Variants in DOCK8 observed in about 807,000 individuals in gnomAD.
DOCK8 encodes the protein dedicator of cytokinesis protein 8.
A neutral mutation model predicts 245.6 loss-of-function variants in DOCK8; 141 were observed. The observed-to-expected ratio is 0.57, with a 90% confidence interval of 0.50 to 0.66. The LOEUF (loss-of-function observed/expected upper bound fraction) is 0.66. Ranked by LOEUF, DOCK8 falls within the 30% of genes least tolerant of loss-of-function variation. The pLI, the probability that DOCK8 is intolerant of heterozygous loss-of-function variation, is 0.00. For synonymous variants in DOCK8, 1,168 were observed against 970.2 expected, an observed-to-expected ratio of 1.20 and a Z score of -3.79; for missense variants, 2,965 against 2,603.4, an observed-to-expected ratio of 1.14 and a Z score of -3.02.
At chr9:408,086 A>C (rs189408875) in intron 28 of DOCK8, among the ~76,000 whole-genome samples, 5 of 152,214 alleles carry the variant, frequency 3.3e-5, no homozygotes, top group African/African-American at 1.2e-4. Context: ...CATGACTCCT[A>C]TGCTAAAGAG....
chr9:357,098 C>T (rs73641526), intron 14 of DOCK8, among the ~76,000 whole-genome samples: 15,535 of 152,122 alleles, frequency 0.1, 1,720 homozygotes, highest in African/African-American at 0.28. Context: ...TTAAGGATGG[C>T]TCCTTTCACC....
chr9:240,189 G>A (rs968749188), intron 1 of DOCK8, among the ~76,000 whole-genome samples: 1 of 152,126 alleles, frequency 6.6e-6, no homozygotes, highest in Non-Finnish European at 1.5e-5. Context: ...AAGTCTTGGG[G>A]AAAGTTATTG....
At chr9:450,531 A>G (rs1232967051) in intron 45 of DOCK8, among the ~76,000 whole-genome samples, 3 of 152,054 alleles carry the variant, frequency 2.0e-5, no homozygotes, top group Non-Finnish European at 4.4e-5. Flanking sequence ...CCAGCCTAAT[A>G]CCTCTGTCCA....
chr9:307,327 TG>T (rs1480055886), intron 5 of DOCK8, among the ~76,000 whole-genome samples: 16 of 78,028 alleles, frequency 2.1e-4, no homozygotes, highest in African/African-American at 6.0e-4. Context: ...GTGTTGTGTG[TG>T]GTTTTTTTTG....
chr9:398,829 C>G (rs1339004190), intron 25 of DOCK8, among the ~76,000 whole-genome samples: 1 of 150,034 alleles, frequency 6.7e-6, no homozygotes, highest in Admixed American at 6.6e-5. Flanking sequence ...AAAAAAGTTA[C>G]CAGGATATAA....
intron 1 of DOCK8, among the ~76,000 whole-genome samples, chr9:234,221 G>A (rs1224006291): frequency 6.6e-6 from 1 of 152,120 alleles, no homozygotes; most frequent in Non-Finnish European, 1.5e-5. Flanking sequence ...GTTGAATATT[G>A]GCCCCCACTC....
chr9:227,335 A>G (rs948736232), intron 1 of DOCK8, among the ~76,000 whole-genome samples: 7 of 152,348 alleles, frequency 4.6e-5, no homozygotes, highest in Admixed American at 3.3e-4. Flanking sequence ...ACGATGTAGT[A>G]GACTGTACCT....
intron 25 of DOCK8, among the ~76,000 whole-genome samples, chr9:397,606 C>T (rs7029027): frequency 0.033 from 5,002 of 151,690 alleles, 280 homozygotes; most frequent in African/African-American, 0.11. Context: ...GGAAGAATCG[C>T]TTGAGCCCAG....
chr9:395,242 G>T (rs1029316125), intron 24 of DOCK8, among the ~76,000 whole-genome samples: 9 of 152,224 alleles, frequency 5.9e-5, no homozygotes, highest in African/African-American at 2.2e-4. Context: ...TCTCTACTGA[G>T]CTTTAGGGTT....
At chr9:348,021 C>G (rs2051989520) in intron 14 of DOCK8, among the ~76,000 whole-genome samples, 1 of 152,124 alleles carries the variant, frequency 6.6e-6, no homozygotes, top group Admixed American at 6.5e-5. Context: ...CCAGGAAAAA[C>G]TGAAAAGTAT....
intron 1 of DOCK8, among the ~76,000 whole-genome samples, chr9:228,913 T>A (rs2047045439): frequency 6.6e-6 from 1 of 152,222 alleles, no homozygotes; most frequent in African/African-American, 2.4e-5. Flanking sequence ...ACCTTGGTGC[T>A]GACTGTTGGC....
intron 14 of DOCK8, chr9:340,542 A>G (rs1278455645): frequency 7.7e-6 from 4 of 516,796 alleles, no homozygotes; most frequent in South Asian, 7.7e-5. Context: ...AATCGCTTGA[A>G]CCCAGGAGGC....
At chr9:388,738 A>G (rs1306443434) in intron 23 of DOCK8, among the ~76,000 whole-genome samples, 2 of 151,996 alleles carry the variant, frequency 1.3e-5, no homozygotes, top group East Asian at 1.9e-4. Context: ...TATTTTTAGT[A>G]TAGATGGGGT....
chr9:402,594 T>C (rs2055163003), intron 26 of DOCK8, among the ~76,000 whole-genome samples: 1 of 152,256 alleles, frequency 6.6e-6, no homozygotes, highest in African/African-American at 2.4e-5. Flanking sequence ...ATGAACTTCA[T>C]ACCTTAAGCA....
chr9:414,888 G>A lies in DOCK8; in HGVS notation c.3637G>A (p.Ala1213Thr), dbSNP rs1172637555. The change falls in exon 29 of 48, where the codon GCC becomes ACC. Residue 1213 changes from alanine (A) to threonine (T), a missense_variant. By Grantham distance (58) the Ala-to-Thr change is moderately conservative (BLOSUM62 0). Transcript: ENST00000432829. Reference protein sequence around the residue: ...VKPEVKVKIAALYLPLVGIIL... With the variant: ...VKPEVKVKIATLYLPLVGIIL... ...ACCAGAGGTGAAGGTCAAAATCGCC[G>A]CCCTTTACCTACCTTTAGTTGGCAT... is the stretch of plus-strand genomic sequence containing the variant. The A allele has an allele frequency of 3.1e-6, 5 of 1,614,010 alleles. No homozygotes were observed. The highest frequency in any genetic ancestry group is 1.7e-5 in the Admixed American group (1 of 60,004).
intron 1 of DOCK8, among the ~76,000 whole-genome samples, chr9:244,187 GA>G (rs60148430): frequency 0.49 from 43,358 of 88,530 alleles, 8,594 homozygotes; most frequent in East Asian, 0.73. Flanking sequence ...GACTCCGTCT[GA>G]AAAAAAAAAA....
intron 14 of DOCK8, among the ~76,000 whole-genome samples, chr9:362,424 C>G (rs748873271): frequency 6.6e-6 from 1 of 152,244 alleles, no homozygotes; most frequent in Non-Finnish European, 1.5e-5. Context: ...ACCTTTGTCA[C>G]TGGAAGCCCA....
At chr9:234,614 G>A (rs1399666799) in intron 1 of DOCK8, among the ~76,000 whole-genome samples, 1 of 151,956 alleles carries the variant, frequency 6.6e-6, no homozygotes, top group African/African-American at 2.4e-5. Context: ...TCTTTTTTCT[G>A]TAAACTTCTC....
At chr9:285,753 T>C (rs1048053437) in intron 2 of DOCK8, among the ~76,000 whole-genome samples, 12 of 152,192 alleles carry the variant, frequency 7.9e-5, no homozygotes, top group African/African-American at 2.7e-4. Flanking sequence ...GAAGGTAAAA[T>C]TGAAGAGCAA....
Sources: gnomAD v4.1 joint callset for allele counts (sites outside exome capture counted in the v4.1 genomes callset) on GRCh38, gnomAD v4.1.1 for gene constraint, MANE v1.5 for transcripts, NCBI Gene and HGNC (gene_info 2026-07-23, HGNC 2026-07-21) for gene names.